TDRD12: variants seen among roughly 807,000 people sequenced by gnomAD.
The protein encoded by TDRD12 is tudor domain containing 12.
Under a neutral mutation model 133.5 loss-of-function variants are expected in TDRD12, and 158 were observed. That is an observed-to-expected ratio of 1.18 (90% CI 1.04 to 1.35). The LOEUF (loss-of-function observed/expected upper bound fraction) is 1.35. TDRD12 is among the 40% of genes most tolerant of loss of function. The probability of loss-of-function intolerance (pLI) is 0.00; values close to 1 mark genes in which losing one functional copy is unlikely to be tolerated. For missense variants in TDRD12, 1,443 were observed against 1,321.3 expected (o/e 1.09, Z -1.43); for synonymous variants, 460 against 477.9 (o/e 0.96, Z 0.49).
exon 7 of TDRD12, chr19:32,755,996 G>T (rs753366004): frequency 6.8e-7 from 1 of 1,464,446 alleles, no homozygotes. Context: ...TTACAGGTTT[G>T]TGTTAATGAT....
chr19:32,751,526 C>G lies in TDRD12; in HGVS notation c.582+1657C>G, dbSNP rs191565806. ...TGGTGTATACCTGTTTCATCTTTCC[C>G]TCTACATTTTTCTCCTCTCCTCTCC... On this transcript the variant is annotated intron_variant, in intron 6 of 27. Transcript: ENST00000444215. Among the ~76,000 whole-genome samples, 568 of 152,016 alleles carry G rather than the reference C, an allele frequency of 3.7e-3. 2 individuals carry two copies. Among genetic ancestry groups the G allele is most frequent in the African/African-American group, 0.013 (554 of 41,442 alleles).
chr19:32,766,767 A>G (rs1197336444), intron 8 of TDRD12, among the ~76,000 whole-genome samples: 3 of 151,780 alleles, frequency 2.0e-5, no homozygotes, highest in African/African-American at 7.3e-5. Flanking sequence ...AGCATGCACC[A>G]CCACGCCCGG....
chr19:32,736,156 C>T (rs1427551216), intron 2 of TDRD12, among the ~76,000 whole-genome samples: 2 of 152,190 alleles, frequency 1.3e-5, no homozygotes, highest in African/African-American at 2.4e-5. Context: ...ACGAATGGAA[C>T]AAGAAAGCCT....
At chr19:32,744,557 A>G (rs1321468267) in intron 4 of TDRD12, among the ~76,000 whole-genome samples, 2 of 151,712 alleles carry the variant, frequency 1.3e-5, no homozygotes, top group African/African-American at 2.4e-5. Context: ...TATAAAATAC[A>G]CAGACGTAGA....
intron 14 of TDRD12, 101 bp from the exon 15 acceptor site, chr19:32,797,634 C>T (rs1003397482): frequency 3.3e-5 from 18 of 542,014 alleles, no homozygotes; most frequent in East Asian, 8.7e-5. Context: ...CAGAAACTTA[C>T]GGGGTGCTGC....
intron 2 of TDRD12, among the ~76,000 whole-genome samples, chr19:32,732,381 G>C (rs1254744809): frequency 6.6e-6 from 1 of 151,836 alleles, no homozygotes. Flanking sequence ...GTCCATGTGG[G>C]GCAAAAGTAG....
chr19:32,764,819 T>C (rs1970248343), intron 8 of TDRD12, among the ~76,000 whole-genome samples: 1 of 152,224 alleles, frequency 6.6e-6, no homozygotes, highest in Non-Finnish European at 1.5e-5. Flanking sequence ...TTATGTCCTC[T>C]AGGCATGGGC....
At chr19:32,796,286 C>G in intron 14 of TDRD12, 1 of 741,894 alleles carries the variant, frequency 1.3e-6, no homozygotes, top group South Asian at 6.1e-5. Flanking sequence ...TTATGATTTC[C>G]CTTTAGAAAG....
chr19:32,791,299 C>T (rs916494100), intron 13 of TDRD12, among the ~76,000 whole-genome samples: 18 of 152,034 alleles, frequency 1.2e-4, no homozygotes, highest in African/African-American at 4.1e-4. Flanking sequence ...GTGAGGCAGC[C>T]GCTGTGTAAC....
intron 8 of TDRD12, among the ~76,000 whole-genome samples, chr19:32,767,589 TG>T (rs1261363555): frequency 6.6e-6 from 1 of 152,232 alleles, no homozygotes; most frequent in Non-Finnish European, 1.5e-5. Flanking sequence ...GTGCTGTTTC[TG>T]TCTTGTTGGC....
chr19:32,740,279 C>T (rs111166775), intron 3 of TDRD12, among the ~76,000 whole-genome samples: 18,303 of 51,552 alleles, frequency 0.36, 3,203 homozygotes, highest in East Asian at 0.46. Context: ...ATCTCCTGGG[C>T]GCTCTCTGCA....
Position 32,804,691 on chromosome 19 carries a change from CAAAAAAA to C in TDRD12, c.2552+1560_2552+1566del, listed in dbSNP as rs34907310. The stretch of plus-strand genomic sequence containing the variant: ...CTGGAGACACAGCAAGATTCTGTCT[CAAAAAAA>C]AAAAAAAAAATTAGCTGGGTGTGGT... On this transcript the variant is annotated intron_variant, in intron 21 of 27. Coordinates refer to ENST00000444215, the Ensembl canonical transcript of TDRD12. 4.5e-3 allele frequency among the ~76,000 whole-genome samples: 544 copies of C among 121,158 alleles called. 2 individuals carry two copies. Among genetic ancestry groups the C allele is most frequent in the African/African-American group, 0.017 (532 of 31,832 alleles). 79.5% of individuals were successfully genotyped at this position (121,158 alleles called of 152,430 possible). A position where few individuals can be genotyped will look rare whatever the true frequency, so the allele number is the denominator to read the frequency against.
chr19:32,769,694 T>C (rs965708565), intron 8 of TDRD12, among the ~76,000 whole-genome samples: 4 of 152,070 alleles, frequency 2.6e-5, no homozygotes, highest in Admixed American at 6.6e-5. Context: ...TAGAGTGCAA[T>C]GGCACGATCT....
At chr19:32,799,991 C>T (rs1971340087) in intron 16 of TDRD12, among the ~76,000 whole-genome samples, 176 bp from the exon 17 acceptor site, 1 of 152,052 alleles carries the variant, frequency 6.6e-6, no homozygotes, top group African/African-American at 2.4e-5. Context: ...GCCTCAGCCT[C>T]CCAAAGTGCT....
chr19:32,762,434 G>C (rs1324051715), intron 8 of TDRD12, among the ~76,000 whole-genome samples: 1 of 152,228 alleles, frequency 6.6e-6, no homozygotes, highest in Non-Finnish European at 1.5e-5. Flanking sequence ...GTTGAAAAGA[G>C]AAGGTTGGGA....
chr19:32,818,151 G>C (rs575278899), exon 27 of TDRD12: 2 of 702,096 alleles, frequency 2.8e-6, no homozygotes, highest in Non-Finnish European at 2.6e-6. Flanking sequence ...GAGCAGGGGG[G>C]GCAGGGGTGA....
intron 11 of TDRD12, among the ~76,000 whole-genome samples, chr19:32,781,971 T>TTCC (rs199865889): frequency 6.7e-6 from 1 of 149,438 alleles, no homozygotes; most frequent in East Asian, 2.0e-4. Flanking sequence ...TATATTTTTC[T>TTCC]TTTTTTTTTA....
chr19:32,805,200 C>T (rs56018232), intron 21 of TDRD12, among the ~76,000 whole-genome samples: 14,711 of 62,724 alleles, frequency 0.23, 924 homozygotes, highest in Non-Finnish European at 0.37. Flanking sequence ...TATATATATA[C>T]ACACACACAC....
rs565536686 is a variant in TDRD12 at position 32,751,822 on chromosome 19, A to G, written c.582+1953A>G. 7.2e-5 allele frequency among the ~76,000 whole-genome samples: 11 copies of G among 152,192 alleles called. No homozygotes were observed. The South Asian group carries it at 2.3e-3, about 32-fold the overall frequency. On this transcript the variant is annotated intron_variant, in intron 6 of 27. Transcript: ENST00000444215. The stretch of plus-strand genomic sequence containing the variant: ...CTTGTCCTCCCAAAGTGCTGGTATC[A>G]CAGGTGTGAGCCACCACACCCAGCA...
Sources: allele counts gnomAD v4.1 joint callset (sites outside exome capture counted in the v4.1 genomes callset), GRCh38; gene constraint gnomAD v4.1.1; transcripts MANE v1.5; gene names NCBI Gene and HGNC (gene_info 2026-07-23, HGNC 2026-07-21).